SLC29A3: variants seen among roughly 807,000 people sequenced by gnomAD.
SLC29A3 encodes the protein solute carrier family 29 member 3, also known as equilibrative nucleoside transporter 3.
SLC29A3 carries 18 observed loss-of-function variants against 25.4 expected under a neutral mutation model. The ratio of observed to expected loss-of-function variants is 0.71; its 90% CI spans 0.49 to 1.05. SLC29A3 has a LOEUF of 1.05. Ranked by LOEUF, SLC29A3 falls within the 50% of genes least tolerant of loss-of-function variation. The pLI, the probability that SLC29A3 is intolerant of heterozygous loss-of-function variation, is 0.00. For missense variants in SLC29A3, 586 were observed against 609.0 expected, an observed-to-expected ratio of 0.96 and a Z score of 0.40; for synonymous variants, 258 against 267.1, an observed-to-expected ratio of 0.97 and a Z score of 0.33.
chr10:71,369,693 A>G (rs897010185), intron 3 of SLC29A3, among the ~76,000 whole-genome samples: 2 of 152,206 alleles, frequency 1.3e-5, no homozygotes, highest in Admixed American at 1.3e-4. Context: ...GTCTACATCA[A>G]AGTAAAGGGA....
chr10:71,377,469 A>C (rs1255025794), intron 4 of SLC29A3, among the ~76,000 whole-genome samples: 1 of 150,144 alleles, frequency 6.7e-6, no homozygotes, highest in Non-Finnish European at 1.5e-5. Flanking sequence ...ACCGGCCACG[A>C]AATAGATGGC....
chr10:71,338,942 A>AC lies in SLC29A3; in HGVS notation c.301-5263dup, dbSNP rs1463957550. On this transcript the variant is annotated intron_variant, in intron 2 of 5. Coordinates refer to ENST00000373189, the MANE Select transcript of SLC29A3 (RefSeq NM_018344.6). ...TGAGGCTTCCTGGTGATGCACCGCG[A>AC]CCCCAGTGATAGTGTTTGGGCTTGT... 2.0e-5 allele frequency among the ~76,000 whole-genome samples: 3 copies of AC among 152,020 alleles called. No homozygotes were observed. The South Asian group carries it at 6.2e-4, about 32-fold the overall frequency.
At chr10:71,326,145 C>T (rs1845960190) in intron 2 of SLC29A3, among the ~76,000 whole-genome samples, 1 of 151,992 alleles carries the variant, frequency 6.6e-6, no homozygotes, top group African/African-American at 2.4e-5. Context: ...GTCTCAAACT[C>T]CTGGGCTCAA....
chr10:71,337,853 G>C (rs1035597321), intron 2 of SLC29A3, among the ~76,000 whole-genome samples: 1 of 152,242 alleles, frequency 6.6e-6, no homozygotes, highest in Non-Finnish European at 1.5e-5. Flanking sequence ...AATGTGGCCC[G>C]TCATAAAATG....
chr10:71,330,075 CT>C (rs150748193), intron 2 of SLC29A3, among the ~76,000 whole-genome samples: 21 of 152,354 alleles, frequency 1.4e-4, no homozygotes, highest in African/African-American at 4.3e-4. Flanking sequence ...TGGGCTTGAG[CT>C]CCACCCGCAA....
chr10:71,373,744 C>T (rs145368989), intron 3 of SLC29A3, among the ~76,000 whole-genome samples: 1,990 of 152,292 alleles, frequency 0.013, 20 homozygotes, highest in Middle Eastern at 0.034. Flanking sequence ...GCTCTGGGTA[C>T]GTGGGACACT....
At chr10:71,338,520 G>A (rs560968565) in intron 2 of SLC29A3, among the ~76,000 whole-genome samples, 1 of 152,156 alleles carries the variant, frequency 6.6e-6, no homozygotes, top group Non-Finnish European at 1.5e-5. Context: ...CACTTTGGGA[G>A]GTCAAAGCAG....
chr10:71,343,828 GA>G (rs533836628), intron 2 of SLC29A3, among the ~76,000 whole-genome samples: 132 of 152,298 alleles, frequency 8.7e-4, no homozygotes, highest in African/African-American at 3.0e-3. Flanking sequence ...GCATTTTGGT[GA>G]TAGGCCAAGA....
chr10:71,348,194 C>A (rs1163942546), intron 3 of SLC29A3, among the ~76,000 whole-genome samples: 1 of 152,258 alleles, frequency 6.6e-6, no homozygotes, highest in East Asian at 1.9e-4. Flanking sequence ...AGGCCCTGTG[C>A]CTGTGCTGGG....
chr10:71,327,279 G>A (rs1845994554), intron 2 of SLC29A3, among the ~76,000 whole-genome samples: 1 of 152,150 alleles, frequency 6.6e-6, no homozygotes. Context: ...ACAAATGTGG[G>A]GATGGCTTAG....
At chr10:71,381,231 A>G (rs1202177540) in exon 5 of SLC29A3, 1 of 152,198 alleles carries the variant, frequency 6.6e-6, no homozygotes, top group East Asian at 1.9e-4. Context: ...GTGCAGGCTC[A>G]CTACTGTATC....
At chr10:71,323,846 G>A (rs1460494686) in intron 2 of SLC29A3, among the ~76,000 whole-genome samples, 2 of 152,210 alleles carry the variant, frequency 1.3e-5, no homozygotes, top group Non-Finnish European at 2.9e-5. Context: ...CAGAATGGGA[G>A]GAAAGTTCAG....
chr10:71,343,292 T>G (rs1846464241), intron 2 of SLC29A3, among the ~76,000 whole-genome samples: 1 of 152,180 alleles, frequency 6.6e-6, no homozygotes, highest in African/African-American at 2.4e-5. Context: ...GATAGGTATA[T>G]TAAGAGATAA....
rs370631755 is a variant in SLC29A3, at chr10:71,361,978, G to T, written c.798G>T (p.Ala266=). 1 of 1,614,018 alleles carries T rather than the reference G, an allele frequency of 6.2e-7. No homozygotes were observed. Among genetic ancestry groups the T allele is most frequent in the Non-Finnish European group, 8.5e-7 (1 of 1,180,010 alleles). The change falls in exon 6 of 6, where the codon GCG becomes GCT. Residue 266 remains alanine, a synonymous_variant. Coordinates refer to ENST00000373189, the MANE Select transcript of SLC29A3 (RefSeq NM_018344.6). ...GGTACTACATGAGGCCTGTTCTTGC[G>T]GCCCATGTGTTTTCTGGTGAAGAGG... ...YARYYMRPVL[A]AHVFSGEEEL...
intron 1 of SLC29A3, among the ~76,000 whole-genome samples, chr10:71,320,480 C>T (rs552153506): frequency 1.3e-3 from 145 of 114,288 alleles, no homozygotes; most frequent in African/African-American, 5.8e-3. Context: ...GATGAGGGCT[C>T]TCTTCCTGGC....
At chr10:71,375,936 T>C (rs905284362) in intron 4 of SLC29A3, 1 of 152,204 alleles carries the variant, frequency 6.6e-6, no homozygotes, top group Non-Finnish European at 1.5e-5. Context: ...ATTGATCCCT[T>C]TAAATTGAGG....
At chr10:71,351,928 A>G in intron 4 of SLC29A3, 140 bp downstream of exon 4, 1 of 815,728 alleles carries the variant, frequency 1.2e-6, no homozygotes, top group Non-Finnish European at 2.0e-6. Context: ...CTAGTGTTGT[A>G]GAACAACAAC....
At chr10:71,375,451 T>A (rs1299427562) in intron 3 of SLC29A3, among the ~76,000 whole-genome samples, 1 of 152,210 alleles carries the variant, frequency 6.6e-6, no homozygotes, top group Non-Finnish European at 1.5e-5. Flanking sequence ...CTCAACAGTT[T>A]CCCTTTTTAA....
intron 2 of SLC29A3, among the ~76,000 whole-genome samples, chr10:71,332,324 AT>A (rs1846140162): frequency 6.6e-6 from 1 of 151,370 alleles, no homozygotes; most frequent in Non-Finnish European, 1.5e-5. Context: ...TAATTTTTGT[AT>A]TTTTGGTAGA....
Sources: gnomAD v4.1 joint callset for allele counts (sites outside exome capture counted in the v4.1 genomes callset) on GRCh38, gnomAD v4.1.1 for gene constraint, MANE v1.5 for transcripts, NCBI Gene and HGNC (gene_info 2026-07-23, HGNC 2026-07-21) for gene names.